The following PLCH1 variants were observed in gnomAD, a reference collection of about 807,000 sequenced individuals.
PLCH1 encodes phospholipase C eta 1, also known as 1-phosphatidylinositol 4,5-bisphosphate phosphodiesterase eta-1.
In PLCH1, 60 loss-of-function variants were observed where a neutral mutation model predicts 126.7. That is an observed-to-expected ratio of 0.47 (90% CI 0.38 to 0.59). The LOEUF is 0.59. Among genes scored for constraint, PLCH1 ranks in the 20% least tolerant of loss-of-function variants. PLCH1 has a pLI of 0.00. For missense variants in PLCH1, 1,723 were observed against 2,040.0 expected, an observed-to-expected ratio of 0.84 and a Z score of 2.99; for synonymous variants, 719 against 734.9, an observed-to-expected ratio of 0.98 and a Z score of 0.35.
intron 10 of PLCH1, among the ~76,000 whole-genome samples, chr3:155,541,466 A>G (rs923479367): frequency 6.6e-6 from 1 of 152,204 alleles, no homozygotes; most frequent in African/African-American, 2.4e-5. Context: ...AGGGTTATCA[A>G]CTGGCTTAAT....
chr3:155,462,990 C>T (rs928820890), intron 21 of PLCH1, among the ~76,000 whole-genome samples: 1 of 152,216 alleles, frequency 6.6e-6, no homozygotes, highest in Non-Finnish European at 1.5e-5. Flanking sequence ...TCTCATCCTT[C>T]CCTACAGCGA....
Position 155,598,854 on chromosome 3 carries a change from C to G in PLCH1, c.80-2476G>C, listed in dbSNP as rs139689207. Among the ~76,000 whole-genome samples, 643 of 152,240 alleles carry G rather than the reference C, an allele frequency of 4.2e-3. 1 individual carries two copies. Among genetic ancestry groups the G allele is most frequent in the Admixed American group, 7.1e-3 (108 of 15,302 alleles). On this transcript the variant is annotated intron_variant, in intron 2 of 22. Transcript: ENST00000460012. Reference sequence around the variant, plus strand: ...CACCAAAAATGGTAGCTATTTGTAACAGACTGAATGTGTATTTACGTCCCC... The same window carrying G: ...CACCAAAAATGGTAGCTATTTGTAAGAGACTGAATGTGTATTTACGTCCCC...
At chr3:155,709,977 G>T (rs1746974355) in intron 1 of PLCH1, among the ~76,000 whole-genome samples, 1 of 152,030 alleles carries the variant, frequency 6.6e-6, no homozygotes, top group Non-Finnish European at 1.5e-5. Context: ...GTGTTTGGTT[G>T]GTTGGTTGGT....
intron 2 of PLCH1, among the ~76,000 whole-genome samples, chr3:155,656,168 C>CG (rs1291600808): frequency 6.8e-6 from 1 of 147,746 alleles, no homozygotes; most frequent in Non-Finnish European, 1.5e-5. Context: ...AGAAAATTAC[C>CG]CCCCCCCAAA....
chr3:155,504,007 T>C (rs1349073097), intron 13 of PLCH1, among the ~76,000 whole-genome samples: 6 of 152,272 alleles, frequency 3.9e-5, no homozygotes, highest in Non-Finnish European at 8.8e-5. Context: ...ATTTGGTTCT[T>C]GCCATCTTTT....
At chr3:155,542,125 T>C (rs1724367861) in intron 10 of PLCH1, among the ~76,000 whole-genome samples, 1 of 152,158 alleles carries the variant, frequency 6.6e-6, no homozygotes, top group Non-Finnish European at 1.5e-5. Flanking sequence ...GAGTTCCCTT[T>C]CCCAGTCAAA....
intron 2 of PLCH1, among the ~76,000 whole-genome samples, chr3:155,691,466 A>C (rs1410521653): frequency 6.6e-6 from 1 of 152,208 alleles, no homozygotes. Context: ...TGTGCAAAAC[A>C]AGAGCAATCT....
intron 9 of PLCH1, among the ~76,000 whole-genome samples, chr3:155,553,227 G>T (rs1255170995): frequency 3.9e-5 from 6 of 152,176 alleles, no homozygotes; most frequent in Admixed American, 3.9e-4. Context: ...CAAATCTCAT[G>T]CCTCAGCCTC....
chr3:155,474,050 G>T (rs1417196713), intron 21 of PLCH1, among the ~76,000 whole-genome samples: 2 of 152,066 alleles, frequency 1.3e-5, no homozygotes, highest in African/African-American at 4.8e-5. Flanking sequence ...CAAAAGCAGT[G>T]GCAACAAAAG....
chr3:155,610,597 T>C (rs1275922646), intron 2 of PLCH1, among the ~76,000 whole-genome samples: 1 of 152,018 alleles, frequency 6.6e-6, no homozygotes, highest in Non-Finnish European at 1.5e-5. Flanking sequence ...GCCAAGAATA[T>C]TGTAATCCAG....
rs928812673 is a variant in PLCH1 at position 155,702,519 on chromosome 3, A to T, written c.79+1627T>A. Among the ~76,000 whole-genome samples, 21 of 152,194 alleles carry T rather than the reference A, an allele frequency of 1.4e-4. 1 individual carries two copies. The highest frequency in any genetic ancestry group is 2.6e-4 in the Admixed American group (4 of 15,280). ...AGCAAAGTCCTTGAAAGGATTCCGT[A>T]TGACAATGTTAATGGTCATCAAGCC... On this transcript the variant is annotated intron_variant, in intron 2 of 22. Coordinates refer to ENST00000460012, the MANE Select transcript of PLCH1 (RefSeq NM_014996.4).
At chr3:155,597,750 G>T (rs888358276) in intron 2 of PLCH1, among the ~76,000 whole-genome samples, 3 of 152,090 alleles carry the variant, frequency 2.0e-5, no homozygotes, top group African/African-American at 7.2e-5. Context: ...ACTCCATGAA[G>T]TCTTTCCTTT....
intron 21 of PLCH1, among the ~76,000 whole-genome samples, chr3:155,469,823 C>T (rs548461022): frequency 2.0e-5 from 3 of 152,094 alleles, no homozygotes; most frequent in African/African-American, 4.8e-5. Flanking sequence ...CACACTGACA[C>T]CTCACACGGC....
chr3:155,462,188 T>TTA, intron 21 of PLCH1, among the ~76,000 whole-genome samples: 2 of 152,128 alleles, frequency 1.3e-5, no homozygotes, highest in African/African-American at 4.8e-5. Flanking sequence ...TATGAGAGGT[T>TTA]GGGGTTGTTG....
chr3:155,735,843 C>A (rs1749144398), intron 1 of PLCH1, among the ~76,000 whole-genome samples: 1 of 151,960 alleles, frequency 6.6e-6, no homozygotes, highest in African/African-American at 2.4e-5. Context: ...TATAATGATA[C>A]ACAAAATATG....
At chr3:155,626,817 T>G (rs1208952114) in intron 2 of PLCH1, among the ~76,000 whole-genome samples, 1 of 148,380 alleles carries the variant, frequency 6.7e-6, no homozygotes, top group Non-Finnish European at 1.5e-5. Flanking sequence ...GATGATAAGT[T>G]TAACTACTTG....
downstream of PLCH1, among the ~76,000 whole-genome samples, chr3:155,476,458 G>A (rs1188362561): frequency 6.6e-6 from 1 of 152,012 alleles, no homozygotes; most frequent in Non-Finnish European, 1.5e-5. Flanking sequence ...AATCAGACAA[G>A]AGAAAGATAT....
At chr3:155,456,510 G>A (rs963034954) in intron 21 of PLCH1, among the ~76,000 whole-genome samples, 1 of 152,088 alleles carries the variant, frequency 6.6e-6, no homozygotes, top group African/African-American at 2.4e-5. Context: ...CCCTACCTGG[G>A]CAACCTCACT....
chr3:155,651,130 G>C (rs748637976), intron 2 of PLCH1, among the ~76,000 whole-genome samples: 8 of 152,154 alleles, frequency 5.3e-5, no homozygotes, highest in Non-Finnish European at 1.2e-4. Context: ...GAGTAAACAG[G>C]CTTTCTCATA....
Sources: allele counts gnomAD v4.1 joint callset (sites outside exome capture counted in the v4.1 genomes callset), GRCh38; gene constraint gnomAD v4.1.1; transcripts MANE v1.5; gene names NCBI Gene and HGNC (gene_info 2026-07-23, HGNC 2026-07-21).